FAF1: variants seen among roughly 807,000 people sequenced by gnomAD.
The protein encoded by FAF1 is FAS-associated factor 1.
Under a neutral mutation model 92.5 loss-of-function variants are expected in FAF1, and 25 were observed. The ratio of observed to expected loss-of-function variants is 0.27; its 90% confidence interval spans 0.20 to 0.38. FAF1 has a LOEUF of 0.38. Among genes scored for constraint, FAF1 ranks in the 10% least tolerant of loss-of-function variants. The probability of loss-of-function intolerance (pLI) is 1.00; values close to 1 mark genes in which losing one functional copy is unlikely to be tolerated. For synonymous variants in FAF1, 234 were observed against 273.2 expected, an observed-to-expected ratio of 0.86 and a Z score of 1.42; for missense variants, 636 against 793.3, an observed-to-expected ratio of 0.80 and a Z score of 2.38.
intron 1 of FAF1, among the ~76,000 whole-genome samples, chr1:50,954,098 G>A (rs910048474): frequency 1.3e-5 from 2 of 151,928 alleles, no homozygotes; most frequent in Non-Finnish European, 2.9e-5. Context: ...ACAGGTGCCC[G>A]CCACCATGCC....
intron 18 of FAF1, among the ~76,000 whole-genome samples, chr1:50,442,627 C>G (rs1260755806): frequency 6.6e-6 from 1 of 152,124 alleles, no homozygotes; most frequent in Middle Eastern, 3.2e-3. Context: ...CTGGGCCTGA[C>G]TGCAGCACCT....
chr1:50,899,577 C>G (rs1302826748), intron 1 of FAF1, among the ~76,000 whole-genome samples: 1 of 152,160 alleles, frequency 6.6e-6, no homozygotes, highest in Non-Finnish European at 1.5e-5. Context: ...CTCAGCCTCC[C>G]GAGTAGCTGG....
chr1:50,447,674 G>T (rs1572747594), intron 18 of FAF1, among the ~76,000 whole-genome samples: 2 of 152,194 alleles, frequency 1.3e-5, no homozygotes, highest in African/African-American at 4.8e-5. Context: ...TCCACACAGA[G>T]ATCAAACTCC....
At chr1:50,569,671 G>A (rs1284565527) in intron 12 of FAF1, among the ~76,000 whole-genome samples, 1 of 152,104 alleles carries the variant, frequency 6.6e-6, no homozygotes, top group Admixed American at 6.6e-5. Context: ...ACTAAACAAT[G>A]GCAATGGCTA....
At chr1:50,616,101 T>C (rs1197450434) in intron 8 of FAF1, among the ~76,000 whole-genome samples, 2 of 152,252 alleles carry the variant, frequency 1.3e-5, no homozygotes, top group Non-Finnish European at 2.9e-5. Flanking sequence ...AGCACATTTA[T>C]TGAAAAGGGA....
chr1:50,801,523 T>C lies in FAF1; in HGVS notation c.161+108A>G, dbSNP rs1310923989. 9.5e-6 allele frequency: 6 copies of C among 633,984 alleles called. No individual in the cohort carries two copies. The African/African-American group carries it at 1.1e-4, about 11-fold the overall frequency. The allele number at this position is 633,984 out of a possible 1,614,324, so 39.3% of individuals were successfully genotyped here. A position where few individuals can be genotyped will look rare whatever the true frequency, so the allele number is the denominator to read the frequency against. On this transcript the variant is annotated intron_variant, in intron 3 of 18. Coordinates refer to ENST00000396153, the MANE Select transcript of FAF1 (RefSeq NM_007051.3). ...TGAAAGAACAATGTTAATGAACTTA[T>C]ATACCCCAAATCAATGCTCTATTAA...
intron 6 of FAF1, among the ~76,000 whole-genome samples, chr1:50,717,586 C>T (rs571030935): frequency 6.6e-6 from 1 of 152,330 alleles, no homozygotes; most frequent in African/African-American, 2.4e-5. Context: ...AAACAGCTGT[C>T]ATGAGTTCAG....
chr1:50,742,852 T>C (rs1327083321), intron 5 of FAF1, among the ~76,000 whole-genome samples: 3 of 152,228 alleles, frequency 2.0e-5, no homozygotes, highest in Non-Finnish European at 2.9e-5. Flanking sequence ...AACTATGGCC[T>C]GTGGGTCAAA....
intron 1 of FAF1, among the ~76,000 whole-genome samples, chr1:50,892,618 C>T (rs1200349971): frequency 1.3e-5 from 2 of 152,148 alleles, no homozygotes; most frequent in South Asian, 2.1e-4. Flanking sequence ...TTTTAGGATA[C>T]TTTATCTTTG....
At chr1:50,481,132 T>TA (rs1646699219) in intron 17 of FAF1, among the ~76,000 whole-genome samples, 2 of 152,090 alleles carry the variant, frequency 1.3e-5, no homozygotes, top group Admixed American at 6.6e-5. Flanking sequence ...ATCAGAAAGT[T>TA]AAAAAAATTA....
intron 2 of FAF1, among the ~76,000 whole-genome samples, chr1:50,829,307 C>G (rs1644132258): frequency 6.6e-6 from 1 of 152,094 alleles, no homozygotes; most frequent in Non-Finnish European, 1.5e-5. Flanking sequence ...ATGATGGTAC[C>G]AGGCCAAATT....
At position 50,440,009 on chromosome 1, in the gene FAF1, A is replaced by G. The variant is rs1409479823; in HGVS notation, c.*1431T>C. ...CTGGCCAACATCCACTTCTGGGCAG[A>G]AGGAAAATGAGCAGACCTATCTCCA... On this transcript the variant is annotated 3_prime_UTR_variant, in exon 19 of 19. Transcript: ENST00000396153. The G allele has an allele frequency of 6.6e-6, 1 of 152,248 alleles. No individual in the cohort carries two copies. The highest frequency in any genetic ancestry group is 2.4e-5 in the African/African-American group (1 of 41,466). The allele number at this position is 152,248 out of a possible 1,614,324, so 9.4% of individuals were successfully genotyped here.
intron 1 of FAF1, among the ~76,000 whole-genome samples, chr1:50,872,832 G>A (rs900313074): frequency 3.9e-5 from 6 of 151,906 alleles, no homozygotes; most frequent in South Asian, 2.1e-4. Context: ...CCTGGGAGGC[G>A]GAGTTGCAGT....
At position 50,567,144 on chromosome 1, in the gene FAF1, C is replaced by T. The variant is rs748199958; in HGVS notation, c.1201G>A (p.Val401Ile). 8.7e-6 allele frequency: 14 copies of T among 1,609,906 alleles called. No homozygotes were observed. In the Admixed American group the frequency reaches 2.0e-4, roughly 23 times the overall value. ...CSQMLCAESI[V>I]SYLSQNFITW... Reference sequence around the variant, plus strand: ...ATAAAATTTTGACTCAGATAAGAAACAATGGATTCAGCACAAAGCATTTGT... The same window carrying T: ...ATAAAATTTTGACTCAGATAAGAAATAATGGATTCAGCACAAAGCATTTGT... Residue 401 changes from valine to isoleucine, a missense_variant, in exon 13 of 19, where the codon GTT (valine) becomes ATT (isoleucine). This residue lies in a region of FAF1 where 319 missense variants were observed against 451.0 expected (regional missense o/e 0.71). Coordinates refer to ENST00000396153, the MANE Select transcript of FAF1 (RefSeq NM_007051.3).
chr1:50,674,300 G>C (rs1656025853), intron 7 of FAF1, among the ~76,000 whole-genome samples: 1 of 151,796 alleles, frequency 6.6e-6, no homozygotes. Context: ...CCTAAAAACT[G>C]AAACTGGAAA....
At chr1:50,605,927 G>C (rs1455367657) in intron 8 of FAF1, among the ~76,000 whole-genome samples, 1 of 152,104 alleles carries the variant, frequency 6.6e-6, no homozygotes, top group Non-Finnish European at 1.5e-5. Context: ...AAATAACCTG[G>C]CCTTGGAGCC....
At chr1:50,942,354 T>C (rs533047351) in intron 1 of FAF1, among the ~76,000 whole-genome samples, 29 of 152,004 alleles carry the variant, frequency 1.9e-4, no homozygotes, top group Non-Finnish European at 4.0e-4. Context: ...TGTATATATA[T>C]GTACACATAA....
At chr1:50,706,022 T>C (rs1657660853) in intron 6 of FAF1, 131 bp from the exon 7 acceptor site, 1 of 564,286 alleles carries the variant, frequency 1.8e-6, no homozygotes, top group Non-Finnish European at 3.2e-6. Flanking sequence ...GTTATCATAT[T>C]TTCAGCTCCT....
chr1:50,860,910 A>T (rs766321905), intron 1 of FAF1, among the ~76,000 whole-genome samples: 5 of 151,900 alleles, frequency 3.3e-5, no homozygotes, highest in Non-Finnish European at 5.9e-5. Flanking sequence ...CCATCAAGAG[A>T]ACTACGTCAT....
Sources: allele counts gnomAD v4.1 joint callset (sites outside exome capture counted in the v4.1 genomes callset), GRCh38; gene constraint gnomAD v4.1.1; regional missense constraint gnomAD v4.1.1; transcripts MANE v1.5; gene names NCBI Gene and HGNC (gene_info 2026-07-23, HGNC 2026-07-21).